Variants in GPBP1 observed in about 807,000 individuals in gnomAD.
The protein encoded by GPBP1 is GC-rich promoter binding protein 1.
GPBP1 carries 13 observed loss-of-function variants against 56.5 expected under a neutral mutation model. The observed-to-expected ratio is 0.23, with a 90% CI of 0.15 to 0.37. The LOEUF is 0.37. Ranked by LOEUF, GPBP1 falls within the 10% of genes least tolerant of loss-of-function variation. The pLI is 1.00. For missense variants in GPBP1, 477 were observed against 572.3 expected (o/e 0.83, Z 1.70); for synonymous variants, 204 against 188.9 (o/e 1.08, Z -0.66).
chr5:57,230,825 T>C, intron 3 of GPBP1, 21 bp from the exon 4 acceptor site: 1 of 1,587,624 alleles, frequency 6.3e-7, no homozygotes, highest in Non-Finnish European at 8.6e-7. Flanking sequence ...TAAATACCTG[T>C]ATTTTTATAA....
Position 57,249,586 on chromosome 5 carries a change from T to C in GPBP1, c.972+10T>C. The C allele has an allele frequency of 6.3e-7, 1 of 1,590,730 alleles. No individual in the cohort carries two copies. The highest frequency in any genetic ancestry group is 8.6e-7 in the Non-Finnish European group (1 of 1,168,672). On this transcript the variant is annotated intron_variant, in intron 9 of 11. Transcript: ENST00000506184. ...TGCTGGCTCAGAGAAGGTAATTGAATTTATAGCAATACTTGATTTGACATT... is the reference window on the plus strand; with the variant it reads ...TGCTGGCTCAGAGAAGGTAATTGAACTTATAGCAATACTTGATTTGACATT...
chr5:57,183,376 A>G (rs2111586672), intron 2 of GPBP1, among the ~76,000 whole-genome samples: 1 of 152,296 alleles, frequency 6.6e-6, no homozygotes, highest in East Asian at 1.9e-4. Context: ...CTCTAAATAA[A>G]TAAAAACATA....
chr5:57,195,274 G>A (rs1754696566), intron 2 of GPBP1, among the ~76,000 whole-genome samples: 1 of 152,056 alleles, frequency 6.6e-6, no homozygotes, highest in African/African-American at 2.4e-5. Flanking sequence ...TCCCATGTCA[G>A]CCTCTTCAGT....
At chr5:57,227,461 C>T (rs575002794) in intron 3 of GPBP1, among the ~76,000 whole-genome samples, 10 of 152,200 alleles carry the variant, frequency 6.6e-5, no homozygotes, top group East Asian at 5.8e-4. Context: ...CCCAAATTGC[C>T]GGGATTATGG....
At position 57,223,814 on chromosome 5, in the gene GPBP1, A is replaced by AAT. The variant is rs1417892459; in HGVS notation, c.64-7023_64-7022dup. 4.0e-5 allele frequency among the ~76,000 whole-genome samples: 6 copies of AAT among 149,278 alleles called. No individual in the cohort carries two copies. The East Asian group carries it at 7.8e-4, about 19-fold the overall frequency. ...AATTTTAAAATTTATAATTTTAAAAAATATATATATTTGTTTATTTTATTT... is the reference window on the plus strand; with the variant it reads ...AATTTTAAAATTTATAATTTTAAAAAATATATATATATTTGTTTATTTTATTT... On this transcript the variant is annotated intron_variant, in intron 3 of 11. Transcript: ENST00000506184.
intron 3 of GPBP1, among the ~76,000 whole-genome samples, chr5:57,229,941 G>GTCC (rs1554070407): frequency 6.8e-6 from 1 of 146,078 alleles, no homozygotes; most frequent in African/African-American, 2.6e-5. Flanking sequence ...GCATCGCATC[G>GTCC]CGTCCCGTCC....
At chr5:57,229,287 A>C (rs189756819) in intron 3 of GPBP1, among the ~76,000 whole-genome samples, 1 of 143,230 alleles carries the variant, frequency 7.0e-6, no homozygotes, top group Non-Finnish European at 1.5e-5. Flanking sequence ...TGTCTTCTCA[A>C]CCCTTACTGT....
At chr5:57,219,402 AACC>A (rs1755840995) in intron 3 of GPBP1, among the ~76,000 whole-genome samples, 1 of 49,368 alleles carries the variant, frequency 2.0e-5, no homozygotes, top group African/African-American at 1.7e-4. Context: ...AAAAAAAAAA[AACC>A]AAAAACAAAC....
chr5:57,202,257 T>C (rs557465193), intron 2 of GPBP1, among the ~76,000 whole-genome samples: 1 of 152,132 alleles, frequency 6.6e-6, no homozygotes, highest in South Asian at 2.1e-4. Flanking sequence ...AGTGCTAGGA[T>C]TGTAGGCATG....
intron 2 of GPBP1, among the ~76,000 whole-genome samples, chr5:57,208,764 C>G (rs1199860189): frequency 1.3e-5 from 2 of 149,008 alleles, no homozygotes; most frequent in Non-Finnish European, 3.0e-5. Context: ...TCAAGCGATT[C>G]TCCTACCTCA....
intron 3 of GPBP1, among the ~76,000 whole-genome samples, chr5:57,215,954 T>C (rs1360437103): frequency 6.6e-6 from 1 of 152,046 alleles, no homozygotes; most frequent in East Asian, 1.9e-4. Flanking sequence ...GTTATTTCCT[T>C]TGAGAGACTG....
At chr5:57,254,706 A>G (rs1296831523) in intron 10 of GPBP1, among the ~76,000 whole-genome samples, 1 of 152,162 alleles carries the variant, frequency 6.6e-6, no homozygotes, top group African/African-American at 2.4e-5. Flanking sequence ...AAAAAAAAAA[A>G]AAAGAGTAAG....
chr5:57,251,501 A>G (rs1741385115), intron 10 of GPBP1, among the ~76,000 whole-genome samples: 1 of 150,066 alleles, frequency 6.7e-6, no homozygotes, highest in Non-Finnish European at 1.5e-5. Context: ...GTTCCTTTTT[A>G]TTGCTGAATA....
In GPBP1 at chr5:57,246,373, G is replaced by A. The variant is rs776754919; in HGVS notation, c.552G>A (p.Gln184=). The change falls in exon 7 of 12, where the codon CAG becomes CAA. Residue 184 remains glutamine (Q), a synonymous_variant. Transcript: ENST00000506184. Reference sequence around the variant, plus strand: ...AGAAAGGTAATACAAAAGACTTACAGCTATCTGGATTCCCAGTAGTAGGAA... The same window carrying A: ...AGAAAGGTAATACAAAAGACTTACAACTATCTGGATTCCCAGTAGTAGGAA... ...VIKKGNTKDL[Q]LSGFPVVGNL... 31 of 1,613,538 alleles carry A rather than the reference G, an allele frequency of 1.9e-5. No individual in the cohort carries two copies. The highest frequency in any genetic ancestry group is 1.7e-5 in the Admixed American group (1 of 59,988).
At chr5:57,233,560 G>A (rs973127665) in intron 5 of GPBP1, among the ~76,000 whole-genome samples, 3 of 152,150 alleles carry the variant, frequency 2.0e-5, no homozygotes, top group African/African-American at 7.2e-5. Flanking sequence ...TATTTTGTAT[G>A]TGTATTGTAT....
chr5:57,227,726 C>T (rs758620369), intron 3 of GPBP1, among the ~76,000 whole-genome samples: 106 of 152,220 alleles, frequency 7.0e-4, no homozygotes, highest in Non-Finnish European at 1.2e-3. Context: ...CACGCTTATG[C>T]TGCTTGCTGT....
chr5:57,223,920 G>A (rs1756064438), intron 3 of GPBP1, among the ~76,000 whole-genome samples: 1 of 151,614 alleles, frequency 6.6e-6, no homozygotes, highest in East Asian at 1.9e-4. Flanking sequence ...TGCAAGCTCT[G>A]CCTCCTGGGT....
chr5:57,212,352 T>G (rs1023704897), intron 2 of GPBP1, among the ~76,000 whole-genome samples: 1 of 152,236 alleles, frequency 6.6e-6, no homozygotes, highest in Non-Finnish European at 1.5e-5. Flanking sequence ...AAATCTTTTA[T>G]AAATTTTCAG....
At chr5:57,215,968 C>G (rs561016130) in intron 3 of GPBP1, among the ~76,000 whole-genome samples, 1 of 152,262 alleles carries the variant, frequency 6.6e-6, no homozygotes, top group Non-Finnish European at 1.5e-5. Context: ...GAGACTGCTT[C>G]TTACCCTTGG....
Sources: gnomAD v4.1 joint callset for allele counts (sites outside exome capture counted in the v4.1 genomes callset) on GRCh38, gnomAD v4.1.1 for gene constraint, MANE v1.5 for transcripts, NCBI Gene and HGNC (gene_info 2026-07-23, HGNC 2026-07-21) for gene names.